The following PCP4L1 variants were observed in gnomAD, a reference collection of about 807,000 sequenced individuals.
PCP4L1 encodes Purkinje cell protein 4 like 1.
A neutral mutation model predicts 9.6 loss-of-function variants in PCP4L1; 9 were observed. The ratio of observed to expected loss-of-function variants is 0.94; its 90% CI spans 0.57 to 1.64. PCP4L1 has a LOEUF of 1.64. PCP4L1 is among the 40% of genes most tolerant of loss of function. PCP4L1 has a pLI of 0.00. For missense variants in PCP4L1, 81 were observed against 80.8 expected, an observed-to-expected ratio of 1.00 and a Z score of -0.01; for synonymous variants, 31 against 28.2, an observed-to-expected ratio of 1.10 and a Z score of -0.31.
chr1:161,273,192 G>T (rs1296780092), intron 1 of PCP4L1, among the ~76,000 whole-genome samples: 2 of 152,146 alleles, frequency 1.3e-5, no homozygotes, highest in Non-Finnish European at 2.9e-5. Flanking sequence ...CAGAGGCAAG[G>T]ATTAAAGAAA....
chr1:161,259,308 G>A (rs1349615073), intron 1 of PCP4L1, among the ~76,000 whole-genome samples: 1 of 152,098 alleles, frequency 6.6e-6, no homozygotes, highest in Admixed American at 6.6e-5. Context: ...CTTACTGCCC[G>A]AGATTATTCT....
chr1:161,278,227 T>G (rs1335039515), intron 1 of PCP4L1, among the ~76,000 whole-genome samples: 3 of 152,164 alleles, frequency 2.0e-5, no homozygotes, highest in Non-Finnish European at 4.4e-5. Context: ...CTCTCTGTAC[T>G]GAAAAATATA....
chr1:161,258,750 G>A lies in PCP4L1; in HGVS notation c.-225G>A. On this transcript the variant is annotated 5_prime_UTR_variant, in exon 1 of 3. Coordinates refer to ENST00000504449, the MANE Select transcript of PCP4L1 (RefSeq NM_001102566.2). ...GGGGCCGGAGGCGGCGAGCTGAGCG[G>A]CTCTGACAGGACGGGTCGCAGGGGG... is the stretch of plus-strand genomic sequence containing the variant. 1 of 660,580 alleles carries A rather than the reference G, an allele frequency of 1.5e-6. No homozygotes were observed. The highest frequency in any genetic ancestry group is 2.9e-5 in the East Asian group (1 of 34,786). The allele number at this position is 660,580 out of a possible 1,614,324, so 40.9% of individuals were successfully genotyped here.
chr1:161,283,295 TA>T (rs774623546), intron 1 of PCP4L1, among the ~76,000 whole-genome samples: 11 of 152,242 alleles, frequency 7.2e-5, no homozygotes, highest in Non-Finnish European at 1.5e-4. Context: ...CTACTCTATG[TA>T]AAACTGTATT....
intron 1 of PCP4L1, among the ~76,000 whole-genome samples, chr1:161,273,454 G>A (rs1669653016): frequency 6.6e-6 from 1 of 152,080 alleles, no homozygotes. Flanking sequence ...AACCCCCAAA[G>A]TCCCATTCAG....
At chr1:161,279,042 C>G (rs891273776) in intron 1 of PCP4L1, among the ~76,000 whole-genome samples, 10 of 152,202 alleles carry the variant, frequency 6.6e-5, no homozygotes, top group African/African-American at 2.4e-4. Context: ...CTTGGCCTCC[C>G]AAAGTGCTGA....
intron 1 of PCP4L1, among the ~76,000 whole-genome samples, chr1:161,277,830 G>A (rs1007224454): frequency 2.6e-5 from 4 of 152,022 alleles, no homozygotes; most frequent in Non-Finnish European, 4.4e-5. Flanking sequence ...TAATACTTCC[G>A]TGCCTTCTTC....
intron 1 of PCP4L1, among the ~76,000 whole-genome samples, chr1:161,276,850 A>G (rs1669708624): frequency 6.6e-6 from 1 of 151,890 alleles, no homozygotes; most frequent in Non-Finnish European, 1.5e-5. Flanking sequence ...AGTTTGAAAA[A>G]CTTGCCCATG....
At position 161,276,703 on chromosome 1, in the gene PCP4L1, ATG is replaced by A. The variant is rs1167489446; in HGVS notation, c.10-6953_10-6952del. On this transcript the variant is annotated intron_variant, in intron 1 of 2. Transcript: ENST00000504449. ...TCTTAAAAAAAAAAAAAAGGAAAAT[ATG>A]TGTGTGTGTGTATATATATATGTGT... Among the ~76,000 whole-genome samples the A allele has an allele frequency of 7.1e-4, 97 of 136,310 alleles. 1 individual carries two copies. Among genetic ancestry groups the A allele is most frequent in the African/African-American group, 2.5e-3 (91 of 35,948 alleles). 89.4% of individuals were successfully genotyped at this position (136,310 alleles called of 152,430 possible). A position where few individuals can be genotyped will look rare whatever the true frequency, so the allele number is the denominator to read the frequency against.
At chr1:161,277,081 C>T (rs1256035748) in intron 1 of PCP4L1, among the ~76,000 whole-genome samples, 1 of 152,064 alleles carries the variant, frequency 6.6e-6, no homozygotes, top group African/African-American at 2.4e-5. Flanking sequence ...AGTGAGACCC[C>T]ATCTCGAACA....
intron 1 of PCP4L1, among the ~76,000 whole-genome samples, chr1:161,264,976 G>A (rs766130180): frequency 3.9e-5 from 6 of 152,180 alleles, no homozygotes; most frequent in Non-Finnish European, 8.8e-5. Context: ...CCATCATTAC[G>A]CAGGATGCCT....
At chr1:161,284,253 G>C in intron 2 of PCP4L1, 86 bp from the exon 3 acceptor site, 1 of 1,576,946 alleles carries the variant, frequency 6.3e-7, no homozygotes, top group South Asian at 1.1e-5. Flanking sequence ...GCACAAGGTG[G>C]ACCTTACCCA....
intron 1 of PCP4L1, among the ~76,000 whole-genome samples, chr1:161,279,830 G>T (rs191760941): frequency 1.1e-3 from 160 of 152,274 alleles, no homozygotes; most frequent in Middle Eastern, 3.4e-3. Context: ...TTGAGGAAGG[G>T]GAATTACTAT....
chr1:161,283,834 G>A, intron 2 of PCP4L1, 112 bp downstream of exon 2: 1 of 1,106,646 alleles, frequency 9.0e-7, no homozygotes, highest in Middle Eastern at 2.1e-4. Context: ...ATAAGAATGT[G>A]GATAAGTGAA....
chr1:161,260,189 G>C (rs1427224155), intron 1 of PCP4L1, among the ~76,000 whole-genome samples: 1 of 143,288 alleles, frequency 7.0e-6, no homozygotes, highest in Non-Finnish European at 1.5e-5. Flanking sequence ...TAAAAATGAA[G>C]ATCTCTATGA....
chr1:161,261,582 G>T (rs559472424), intron 1 of PCP4L1, among the ~76,000 whole-genome samples: 8 of 152,358 alleles, frequency 5.3e-5, no homozygotes, highest in African/African-American at 1.9e-4. Flanking sequence ...TTCAGTCCCT[G>T]AGGGCTCTTC....
intron 1 of PCP4L1, among the ~76,000 whole-genome samples, chr1:161,282,782 C>G (rs762058313): frequency 9.3e-5 from 14 of 151,276 alleles, no homozygotes; most frequent in Non-Finnish European, 2.1e-4. Flanking sequence ...AATTTGGAAT[C>G]ATCCTTGACC....
rs1167922116 is a variant in PCP4L1 at position 161,258,971 on chromosome 1, G to A, written c.-4G>A. ...CGCCTCGCGCGCCCTGTCCGGCTGC[G>A]GAGATGAGCGAGGTGAGCGGTGCGG... On this transcript the variant is annotated 5_prime_UTR_variant, in exon 1 of 3. Coordinates refer to ENST00000504449, the MANE Select transcript of PCP4L1 (RefSeq NM_001102566.2). The A allele has an allele frequency of 2.0e-6, 3 of 1,534,166 alleles. No homozygotes were observed. Among genetic ancestry groups the A allele is most frequent in the South Asian group, 1.2e-5 (1 of 83,932 alleles).
At chr1:161,283,575 G>C in intron 1 of PCP4L1, 93 bp from the exon 2 acceptor site, 1 of 1,159,754 alleles carries the variant, frequency 8.6e-7, no homozygotes, top group Non-Finnish European at 1.2e-6. Flanking sequence ...CCTGGTAATA[G>C]GGTTTGAGAG....
Sources: gnomAD v4.1 joint callset for allele counts (sites outside exome capture counted in the v4.1 genomes callset) on GRCh38, gnomAD v4.1.1 for gene constraint, MANE v1.5 for transcripts, NCBI Gene and HGNC (gene_info 2026-07-23, HGNC 2026-07-21) for gene names.